The following DDR1 variants were observed in gnomAD, a reference collection of about 807,000 sequenced individuals.
The protein encoded by DDR1 is epithelial discoidin domain-containing receptor 1.
DDR1 carries 64 observed loss-of-function variants against 97.4 expected under a neutral mutation model. That is an observed-to-expected ratio of 0.66 (90% CI 0.54 to 0.81). DDR1 has a LOEUF of 0.81. Ranked by LOEUF, DDR1 falls within the 30% of genes least tolerant of loss-of-function variation. The pLI is 0.00. For missense variants in DDR1, 990 were observed against 1,259.6 expected, an observed-to-expected ratio of 0.79 and a Z score of 3.24; for synonymous variants, 458 against 503.7, an observed-to-expected ratio of 0.91 and a Z score of 1.21.
Position 30,888,882 on chromosome 6 carries a change from C to T in DDR1, c.86-26C>T, listed in dbSNP as rs111611031. 1.2e-6 allele frequency: 2 copies of T among 1,612,964 alleles called. No homozygotes were observed. Among genetic ancestry groups the T allele is most frequent in the African/African-American group, 1.3e-5 (1 of 75,010 alleles). On this transcript the variant is annotated intron_variant, in intron 2 of 17. Coordinates refer to ENST00000376568, the MANE Select transcript of DDR1 (RefSeq NM_001297654.2). This position sits in a 1 kb window ranked among gnomAD's most constrained non-coding sequence, Gnocchi z 4.2. The stretch of plus-strand genomic sequence containing the variant: ...GAGGTAGAGAGTTGGGGGCCTTGAC[C>T]TGTTACATGCCTGCTTTTTACTCAG...
upstream of DDR1, among the ~76,000 whole-genome samples, chr6:30,881,704 C>T (rs548115645): frequency 3.9e-5 from 6 of 152,306 alleles, no homozygotes; most frequent in East Asian, 1.2e-3. Context: ...CAGTCTCCTC[C>T]TCTGAGCCCC....
At position 30,899,757 on chromosome 6, in the gene DDR1, AAGG is replaced by A; in HGVS notation, c.*464_*466del. 2.9e-6 allele frequency: 1 copy of A among 343,798 alleles called. No individual in the cohort carries two copies. 21.3% of individuals were successfully genotyped at this position (343,798 alleles called of 1,614,324 possible). A position where few individuals can be genotyped will look rare whatever the true frequency, so the allele number is the denominator to read the frequency against. ...AGAATCTGGGGGTGAGGAGGACAAGAAGGAGAGGAAAATGTTTCCTTGTGCCTG... is the reference window on the plus strand; with the variant it reads ...AGAATCTGGGGGTGAGGAGGACAAGAAGAGGAAAATGTTTCCTTGTGCCTG... On this transcript the variant is annotated 3_prime_UTR_variant, in exon 18 of 18. Transcript: ENST00000376568.
chr6:30,895,961 G>T (rs1273823833), intron 12 of DDR1, among the ~76,000 whole-genome samples: 1 of 152,054 alleles, frequency 6.6e-6, no homozygotes, highest in Non-Finnish European at 1.5e-5. Flanking sequence ...CTTTCCATCT[G>T]CCCCTCTTCT....
Position 30,894,512 on chromosome 6 carries a change from C to T in DDR1, c.1354C>T (p.Arg452Trp), listed in dbSNP as rs1437953800. The change falls in exon 11 of 18, where the codon CGG becomes TGG. Residue 452 changes from arginine (R) to tryptophan (W), a missense_variant. Coordinates refer to ENST00000376568, the MANE Select transcript of DDR1 (RefSeq NM_001297654.2). This position sits in a 1 kb window ranked among gnomAD's most constrained non-coding sequence, Gnocchi z 5.7. ...HWRRLLSKAERRVLEEELTVH... is the reference protein window; with the variant it reads ...HWRRLLSKAEWRVLEEELTVH... Reference sequence around the variant, plus strand: ...CTCCCATCCCTATGACAAGGCTGAACGGAGGGTGTTGGAAGAGGAGCTGAC... The same window carrying T: ...CTCCCATCCCTATGACAAGGCTGAATGGAGGGTGTTGGAAGAGGAGCTGAC... 6.2e-6 allele frequency: 10 copies of T among 1,607,886 alleles called. No homozygotes were observed. Among genetic ancestry groups the T allele is most frequent in the Middle Eastern group, 3.3e-4 (2 of 6,020 alleles).
chr6:30,891,314 G>A lies in DDR1; in HGVS notation c.566-66G>A, dbSNP rs936861995. ...AAGAAGGGACCTGAAACCTGCCCAG[G>A]CCTGATGCAGGGATGGGGGATGGAG... On this transcript the variant is annotated intron_variant, in intron 5 of 17. Transcript: ENST00000376568. This position sits in a 1 kb window ranked among gnomAD's most constrained non-coding sequence, Gnocchi z 5.3. 1 of 1,463,324 alleles carries A rather than the reference G, an allele frequency of 6.8e-7. No individual in the cohort carries two copies. Among genetic ancestry groups the A allele is most frequent in the African/African-American group, 1.4e-5 (1 of 72,016 alleles). The allele number at this position is 1,463,324 out of a possible 1,614,324, so 90.6% of individuals were successfully genotyped here. A position where few individuals can be genotyped will look rare whatever the true frequency, so the allele number is the denominator to read the frequency against.
intron 1 of DDR1, among the ~76,000 whole-genome samples, chr6:30,887,819 C>CT (rs1421968459): frequency 1.3e-5 from 2 of 152,284 alleles, no homozygotes; most frequent in East Asian, 1.9e-4. Flanking sequence ...AGGCTGGTCT[C>CT]TAACTCCTGG....
At position 30,890,858 on chromosome 6, in the gene DDR1, C is replaced by A. The variant is rs1252813713; in HGVS notation, c.418-115C>A. On this transcript the variant is annotated intron_variant, in intron 4 of 17. Coordinates refer to ENST00000376568, the MANE Select transcript of DDR1 (RefSeq NM_001297654.2). This position sits in a 1 kb window ranked among gnomAD's most constrained non-coding sequence, Gnocchi z 5.0. ...CCACAGTGCTGTGTGCTCGGTGCCACCCCTCATGGGTCTCTAAGTGGCCAC... is the reference window on the plus strand; with the variant it reads ...CCACAGTGCTGTGTGCTCGGTGCCAACCCTCATGGGTCTCTAAGTGGCCAC... 2.6e-6 allele frequency: 3 copies of A among 1,139,232 alleles called. No individual in the cohort carries two copies. The South Asian group carries it at 5.0e-5, about 19-fold the overall frequency. The allele number at this position is 1,139,232 out of a possible 1,614,324, so 70.6% of individuals were successfully genotyped here.
rs1427701636 is a variant in DDR1, at chr6:30,899,453, G to A, written c.*157G>A. On this transcript the variant is annotated 3_prime_UTR_variant, in exon 18 of 18. Transcript: ENST00000376568. ...CTGCAGGTGGGCTGGGCCCACCCAG[G>A]GAGCTGATGCCCCTTCTCCCCTTCC... 6 of 863,364 alleles carry A rather than the reference G, an allele frequency of 6.9e-6. No homozygotes were observed. The highest frequency in any genetic ancestry group is 1.0e-5 in the Non-Finnish European group (6 of 580,132). 53.5% of individuals were successfully genotyped at this position (863,364 alleles called of 1,614,324 possible).
At chr6:30,881,744 C>T (rs1784358461), upstream of DDR1, among the ~76,000 whole-genome samples, 1 of 152,230 alleles carries the variant, frequency 6.6e-6, no homozygotes, top group East Asian at 1.9e-4. Context: ...CTGTGTGTGC[C>T]CTGTCTTCAT....
chr6:30,896,125 C>T (rs1461924891), intron 12 of DDR1, among the ~76,000 whole-genome samples: 2 of 151,400 alleles, frequency 1.3e-5, no homozygotes. Flanking sequence ...TGTTGTTGAG[C>T]TTGGTGTGTT....
Position 30,891,571 on chromosome 6 carries a change from G to C in DDR1, c.665+92G>C. ...TGTGTGTGTGTGAGAGTGTGTGTGT[G>C]TAGGGGGGCTGGTAAGTAGGGTGGG... is the stretch of plus-strand genomic sequence containing the variant. On this transcript the variant is annotated intron_variant, in intron 6 of 17. Transcript: ENST00000376568. This position sits in a 1 kb window ranked among gnomAD's most constrained non-coding sequence, Gnocchi z 5.3. 1.1e-6 allele frequency: 1 copy of C among 910,776 alleles called. No homozygotes were observed. Among genetic ancestry groups the C allele is most frequent in the Non-Finnish European group, 1.7e-6 (1 of 587,854 alleles). The allele number at this position is 910,776 out of a possible 1,614,324, so 56.4% of individuals were successfully genotyped here.
At chr6:30,882,107 C>A, upstream of DDR1, 1 of 152,620 alleles carries the variant, frequency 6.6e-6, no homozygotes, top group Non-Finnish European at 1.5e-5. The surrounding 1 kb of genome is among the most constrained non-coding windows in gnomAD (Gnocchi z 4.8). Flanking sequence ...CTGCAGCTCC[C>A]GGAAGGGGAC....
intron 13 of DDR1, 36 bp downstream of exon 13, chr6:30,896,901 G>A (rs1411551375): frequency 3.8e-6 from 6 of 1,562,262 alleles, no homozygotes; most frequent in African/African-American, 1.4e-5. Context: ...TGGCCCTATT[G>A]TGTGCTCTGA....
rs768441514 is a variant in DDR1 at position 30,897,661 on chromosome 6, C to G, written c.2216+64C>G. On this transcript the variant is annotated intron_variant, in intron 15 of 17. Coordinates refer to ENST00000376568, the MANE Select transcript of DDR1 (RefSeq NM_001297654.2). The surrounding 1 kb of genome is among the most constrained non-coding windows in gnomAD (Gnocchi z 5.2). Reference sequence around the variant, plus strand: ...CCCAGGGGATCTCCTCCTCTCCCCTCGCTTCAGCCTGGAGGAAAAGAGGGG... The same window carrying G: ...CCCAGGGGATCTCCTCCTCTCCCCTGGCTTCAGCCTGGAGGAAAAGAGGGG... The G allele has an allele frequency of 2.9e-6, 4 of 1,364,838 alleles. No individual in the cohort carries two copies. Among genetic ancestry groups the G allele is most frequent in the East Asian group, 2.4e-5 (1 of 41,384 alleles). The allele number at this position is 1,364,838 out of a possible 1,614,324, so 84.5% of individuals were successfully genotyped here.
chr6:30,886,593 A>G lies in DDR1; in HGVS notation c.-43+1883A>G, dbSNP rs1785955751. On this transcript the variant is annotated intron_variant, in intron 1 of 17. Transcript: ENST00000376568. This position sits in a 1 kb window ranked among gnomAD's most constrained non-coding sequence, Gnocchi z 4.6. ...CCCACTCCTCCTACCTCCTGGGGTGACCTGCCTTCCTTGTCTTTAGACCCG... is the reference window on the plus strand; with the variant it reads ...CCCACTCCTCCTACCTCCTGGGGTGGCCTGCCTTCCTTGTCTTTAGACCCG... 6.6e-6 allele frequency: 1 copy of G among 152,242 alleles called. No homozygotes were observed. The allele number at this position is 152,242 out of a possible 1,614,324, so 9.4% of individuals were successfully genotyped here.
At chr6:30,885,248 G>C (rs530097334) in intron 1 of DDR1, 1 of 1,532,782 alleles carries the variant, frequency 6.5e-7, no homozygotes, top group South Asian at 1.2e-5. Flanking sequence ...GCCAGCTTCA[G>C]GGTCCCACCC....
rs1787915536 is a variant in DDR1 at position 30,891,004 on chromosome 6, TG to T, written c.451del (p.Val151CysfsTer2). On this transcript the variant is annotated frameshift_variant, in exon 5 of 18. Coordinates refer to ENST00000376568, the MANE Select transcript of DDR1 (RefSeq NM_001297654.2). LOFTEE classifies it high-confidence loss of function. The surrounding 1 kb of genome is among the most constrained non-coding windows in gnomAD (Gnocchi z 5.3). ...TCAGGCAATGAGGACCCTGAGGGAG[TG>T]GTGCTGAAGGACCTTGGGCCCCCCA... ...VISGNEDPEGVVLKDLGPPMV... is the reference protein window; with the variant it reads ...VISGNEDPEGXVLKDLGPPMV... The T allele has an allele frequency of 6.2e-7, 1 of 1,611,428 alleles. No homozygotes were observed. The highest frequency in any genetic ancestry group is 1.7e-5 in the Admixed American group (1 of 59,830).
Position 30,896,647 on chromosome 6 carries a change from G to A in DDR1, c.1651G>A (p.Glu551Lys). 1.2e-6 allele frequency: 2 copies of A among 1,613,598 alleles called. No homozygotes were observed. The highest frequency in any genetic ancestry group is 1.7e-6 in the Non-Finnish European group (2 of 1,179,804). Residue 551 changes from glutamate (E) to lysine (K), a missense_variant, in exon 13 of 18, where the codon GAG becomes AAG. By Grantham distance (56) the Glu-to-Lys change is moderately conservative (BLOSUM62 1). Transcript: ENST00000376568. The stretch of plus-strand genomic sequence containing the variant: ...CTACAGTGGGGACTATATGGAGCCT[G>A]AGAAGCCAGGCGCCCCGCTTCTGCC... ...QAYSGDYMEP[E>K]KPGAPLLPPP...
chr6:30,894,225 C>T lies in DDR1; in HGVS notation c.1348-281C>T, dbSNP rs1288283703. Reference sequence around the variant, plus strand: ...TCATGCCATTTCACTTCAGCCTGGGCGACAAGAGCAAAATTCCATCTCAAA... The same window carrying T: ...TCATGCCATTTCACTTCAGCCTGGGTGACAAGAGCAAAATTCCATCTCAAA... On this transcript the variant is annotated intron_variant, in intron 10 of 17. Coordinates refer to ENST00000376568, the MANE Select transcript of DDR1 (RefSeq NM_001297654.2). The surrounding 1 kb of genome is among the most constrained non-coding windows in gnomAD (Gnocchi z 5.7). Among the ~76,000 whole-genome samples, 3 of 151,408 alleles carry T rather than the reference C, an allele frequency of 2.0e-5. No individual in the cohort carries two copies. The highest frequency in any genetic ancestry group is 1.9e-4 in the East Asian group (1 of 5,174).
Sources: allele counts gnomAD v4.1 joint callset (sites outside exome capture counted in the v4.1 genomes callset), GRCh38; gene constraint gnomAD v4.1.1; non-coding constraint Gnocchi (gnomAD v3.1); transcripts MANE v1.5; gene names NCBI Gene and HGNC (gene_info 2026-07-23, HGNC 2026-07-21).